KLF8: variants seen among roughly 807,000 people sequenced by gnomAD.
KLF8 encodes Krueppel-like factor 8.
KLF8 carries 10 observed loss-of-function variants against 18.2 expected under a neutral mutation model. The ratio of observed to expected loss-of-function variants is 0.55; its 90% CI spans 0.34 to 0.93. The LOEUF is 0.93. Ranked by LOEUF, KLF8 falls within the 40% of genes least tolerant of loss-of-function variation. KLF8 has a pLI of 0.02. For missense variants in KLF8, 264 were observed against 277.9 expected (o/e 0.95, Z 0.36); for synonymous variants, 109 against 97.3 (o/e 1.12, Z -0.71).
the KLF8 span, among the ~76,000 whole-genome samples, chrX:56,033,876 G>A: frequency 1.8e-5 from 2 of 112,051 alleles, no homozygotes; most frequent in Non-Finnish European, 3.8e-5. Flanking sequence ...TCATTTGTTT[G>A]AATACCTTAC....
At chrX:56,012,421 A>C in the KLF8 span, among the ~76,000 whole-genome samples, 2 of 112,064 alleles carry the variant, frequency 1.8e-5, no homozygotes, top group Non-Finnish European at 3.8e-5. Context: ...ATTCTCAGTA[A>C]AGTAAATATT....
the KLF8 span, among the ~76,000 whole-genome samples, chrX:56,081,604 C>A: frequency 8.9e-6 from 1 of 111,879 alleles, no homozygotes; most frequent in East Asian, 2.8e-4. Context: ...TATGATTTAG[C>A]TATGAATTTT....
the KLF8 span, among the ~76,000 whole-genome samples, chrX:56,175,468 G>T: frequency 8.9e-6 from 1 of 111,864 alleles, no homozygotes; most frequent in Non-Finnish European, 1.9e-5. Flanking sequence ...GAGACAGTTT[G>T]TTATAATTTC....
chrX:56,262,659 T>G (rs1368955807), intron 2 of KLF8, among the ~76,000 whole-genome samples: 2 of 110,866 alleles, frequency 1.8e-5, no homozygotes, highest in Non-Finnish European at 3.8e-5. Flanking sequence ...AGTGAATTAT[T>G]ATTATTATTA....
chrX:55,921,422 A>G, the KLF8 span, among the ~76,000 whole-genome samples: 1 of 112,040 alleles, frequency 8.9e-6, no homozygotes, highest in African/African-American at 3.2e-5. Context: ...TATGGGTACC[A>G]TGCTGTTTTG....
the KLF8 span, among the ~76,000 whole-genome samples, chrX:56,095,910 A>G: frequency 8.9e-6 from 1 of 111,837 alleles, no homozygotes; most frequent in Non-Finnish European, 1.9e-5. Context: ...AGTAACTAAA[A>G]ATAGAATTAT....
At chrX:56,095,696 A>C in the KLF8 span, among the ~76,000 whole-genome samples, 1 of 111,974 alleles carries the variant, frequency 8.9e-6, no homozygotes, top group Non-Finnish European at 1.9e-5. Context: ...AAGAAACATA[A>C]AAAATCCTCA....
At chrX:56,077,231 T>A in the KLF8 span, among the ~76,000 whole-genome samples, 5 of 111,899 alleles carry the variant, frequency 4.5e-5, no homozygotes, top group Admixed American at 1.9e-4. Context: ...CTATGTCCTG[T>A]ATGGTAATGC....
the KLF8 span, among the ~76,000 whole-genome samples, chrX:56,126,172 C>T: frequency 8.9e-6 from 1 of 111,764 alleles, no homozygotes; most frequent in Non-Finnish European, 1.9e-5. Context: ...ACCTTTTCCA[C>T]CCAGACTTCC....
chrX:55,938,517 T>C, the KLF8 span, among the ~76,000 whole-genome samples: 1 of 111,202 alleles, frequency 9.0e-6, no homozygotes, highest in African/African-American at 3.3e-5. Flanking sequence ...CAAAATCACG[T>C]ATAACAATAT....
intron 1 of KLF8, among the ~76,000 whole-genome samples, chrX:56,249,299 G>T (rs922638334): frequency 1.8e-5 from 2 of 112,167 alleles, no homozygotes; most frequent in Admixed American, 9.5e-5. Flanking sequence ...GAAACAGCTG[G>T]ATTGGTTATA....
At chrX:56,048,784 G>C in the KLF8 span, among the ~76,000 whole-genome samples, 5 of 111,890 alleles carry the variant, frequency 4.5e-5, no homozygotes, top group Non-Finnish European at 9.4e-5. Flanking sequence ...CTTTAAAGTA[G>C]CTATTTCCAA....
At chrX:55,917,781 G>C in the KLF8 span, among the ~76,000 whole-genome samples, 2 of 111,957 alleles carry the variant, frequency 1.8e-5, no homozygotes, top group African/African-American at 6.5e-5. Flanking sequence ...CCTGTATAAA[G>C]ATTATTTTGT....
chrX:56,230,413 T>A (rs1299652058), upstream of KLF8, among the ~76,000 whole-genome samples: 1 of 112,008 alleles, frequency 8.9e-6, no homozygotes. Flanking sequence ...ATAAAGTAAA[T>A]TTTTTAAATG....
chrX:56,222,715 G>A, the KLF8 span, among the ~76,000 whole-genome samples: 2 of 112,962 alleles, frequency 1.8e-5, no homozygotes, highest in Non-Finnish European at 3.8e-5. Context: ...AGGGCATGGC[G>A]GGCTGCAGGT....
At chrX:56,089,304 A>C in the KLF8 span, among the ~76,000 whole-genome samples, 1 of 112,030 alleles carries the variant, frequency 8.9e-6, no homozygotes, top group Non-Finnish European at 1.9e-5. Context: ...AATTTTTACT[A>C]ATTTCCCAAG....
chrX:55,974,443 A>G, the KLF8 span, among the ~76,000 whole-genome samples: 2 of 112,117 alleles, frequency 1.8e-5, no homozygotes, highest in African/African-American at 6.5e-5. Flanking sequence ...TGAGGATCCA[A>G]TAATAAACAA....
chrX:56,174,061 T>C, the KLF8 span, among the ~76,000 whole-genome samples: 1 of 111,922 alleles, frequency 8.9e-6, no homozygotes, highest in East Asian at 2.8e-4. Flanking sequence ...TTTGCCTTCC[T>C]CTTTTCCTGA....
At chrX:56,083,032 C>A in the KLF8 span, among the ~76,000 whole-genome samples, 1 of 111,521 alleles carries the variant, frequency 9.0e-6, no homozygotes, top group African/African-American at 3.3e-5. Flanking sequence ...TAACTTATAT[C>A]TAGTTAATTA....
Sources: gnomAD v4.1 joint callset for allele counts (sites outside exome capture counted in the v4.1 genomes callset) on GRCh38, gnomAD v4.1.1 for gene constraint, MANE v1.5 for transcripts, NCBI Gene and HGNC (gene_info 2026-07-23, HGNC 2026-07-21) for gene names.